The following FRAS1 variants were observed in gnomAD, a reference collection of about 807,000 sequenced individuals.
FRAS1 encodes the protein extracellular matrix organizing protein FRAS1.
In FRAS1, 290 loss-of-function variants were observed where a neutral mutation model predicts 435.2. The observed-to-expected ratio is 0.67, with a 90% CI of 0.61 to 0.73. FRAS1 has a LOEUF of 0.73. Ranked by LOEUF, FRAS1 falls within the 30% of genes least tolerant of loss-of-function variation. The pLI is 0.00. For synonymous variants in FRAS1, 1,800 were observed against 1,851.0 expected (o/e 0.97, Z 0.71); for missense variants, 4,860 against 5,001.5 (o/e 0.97, Z 0.85).
intron 18 of FRAS1, among the ~76,000 whole-genome samples, chr4:78,332,508 A>T (rs1461323584): frequency 6.6e-6 from 1 of 152,204 alleles, no homozygotes; most frequent in Non-Finnish European, 1.5e-5. Flanking sequence ...GCTAATGCTT[A>T]TAGCCAAGAT....
intron 2 of FRAS1, among the ~76,000 whole-genome samples, chr4:78,170,501 G>A (rs1721506623): frequency 6.6e-6 from 1 of 152,028 alleles, no homozygotes; most frequent in Non-Finnish European, 1.5e-5. Context: ...CCCTCCAATA[G>A]GTTGTAAGCC....
rs563589954 is a variant in FRAS1, at chr4:78,430,109, G to A, written c.4844-183G>A. On this transcript the variant is annotated intron_variant, in intron 36 of 73. Transcript: ENST00000512123. ...ACTTTTGGAAGCACCTACTTGCAGT[G>A]TAGGAATTGACTGTATTATCTGTTT... Among the ~76,000 whole-genome samples the A allele has an allele frequency of 6.6e-5, 10 of 152,310 alleles. No homozygotes were observed. In the South Asian group the frequency reaches 2.1e-3, roughly 32 times the overall value.
chr4:78,529,731 T>C (rs56092757), intron 70 of FRAS1, among the ~76,000 whole-genome samples: 1,542 of 152,250 alleles, frequency 0.01, 11 homozygotes, highest in Non-Finnish European at 0.014. Context: ...GACTAACAAA[T>C]GGGTAGCATA....
chr4:78,301,846 G>GTTTTTTTTTTTTTTTT (rs59794614), intron 14 of FRAS1, among the ~76,000 whole-genome samples: 3 of 103,936 alleles, frequency 2.9e-5, no homozygotes, highest in Non-Finnish European at 3.7e-5. Context: ...CACAGAAACA[G>GTTTTTTTTTTTTTTTT]TTTTTTTTTT....
intron 2 of FRAS1, among the ~76,000 whole-genome samples, chr4:78,235,904 A>T (rs1423585387): frequency 1.3e-5 from 2 of 152,198 alleles, no homozygotes; most frequent in Non-Finnish European, 2.9e-5. Flanking sequence ...AGCTGTGATC[A>T]TGCCACTGCA....
intron 35 of FRAS1, among the ~76,000 whole-genome samples, chr4:78,427,330 C>T (rs577995097): frequency 1.5e-3 from 230 of 152,306 alleles, no homozygotes; most frequent in South Asian, 5.2e-3. Flanking sequence ...ACCCCCTCAA[C>T]CTTGGACTTC....
chr4:78,415,299 CA>C (rs1487738554), intron 32 of FRAS1, among the ~76,000 whole-genome samples: 1 of 152,122 alleles, frequency 6.6e-6, no homozygotes, highest in East Asian at 1.9e-4. Flanking sequence ...ACCAAAATCT[CA>C]CGCATCACAA....
intron 14 of FRAS1, among the ~76,000 whole-genome samples, chr4:78,306,204 G>T (rs1728704762): frequency 6.6e-6 from 1 of 151,830 alleles, no homozygotes; most frequent in Non-Finnish European, 1.5e-5. Flanking sequence ...ACTCTCTTCT[G>T]GCTTGTAGAG....
chr4:78,385,315 C>T (rs980568687), intron 28 of FRAS1, among the ~76,000 whole-genome samples: 2 of 152,078 alleles, frequency 1.3e-5, no homozygotes, highest in Non-Finnish European at 2.9e-5. Flanking sequence ...AGCTAAATAT[C>T]CAGATCTCAG....
intron 20 of FRAS1, among the ~76,000 whole-genome samples, chr4:78,355,515 C>G (rs71611018): frequency 2.0e-5 from 3 of 152,092 alleles, no homozygotes; most frequent in African/African-American, 7.2e-5. Context: ...AAGGAATTAA[C>G]GGATACACGC....
At chr4:78,181,190 C>A (rs1355547721) in intron 2 of FRAS1, 5 of 1,607,136 alleles carry the variant, frequency 3.1e-6, no homozygotes, top group Non-Finnish European at 4.3e-6. Context: ...TACTTTTGCC[C>A]GGTCCTTATT....
intron 29 of FRAS1, among the ~76,000 whole-genome samples, chr4:78,396,541 G>A (rs923691664): frequency 2.6e-5 from 4 of 152,082 alleles, no homozygotes; most frequent in Admixed American, 1.3e-4. Flanking sequence ...TAAGTGTTTC[G>A]AATATATCAT....
chr4:78,213,027 G>C (rs1450935659), intron 2 of FRAS1, among the ~76,000 whole-genome samples: 1 of 152,142 alleles, frequency 6.6e-6, no homozygotes, highest in Non-Finnish European at 1.5e-5. Context: ...ACCTCCTTAT[G>C]GACTAGTCTC....
chr4:78,477,962 A>G lies in FRAS1; in HGVS notation c.7999A>G (p.Ile2667Val), dbSNP rs1037570949. 7 of 1,613,384 alleles carry G rather than the reference A, an allele frequency of 4.3e-6. No individual in the cohort carries two copies. The Admixed American group carries it at 6.7e-5, about 15-fold the overall frequency. Residue 2667 changes from isoleucine (I) to valine (V), a missense_variant, in exon 55 of 74, where the codon ATC (isoleucine) becomes GTC (valine). Ile to Val is a conservative substitution (Grantham distance 29, BLOSUM62 3). Coordinates refer to ENST00000512123, the MANE Select transcript of FRAS1 (RefSeq NM_025074.7). ...LGEFTQAKVI[I>V]NDTEDEPTLE... ...GGAATTCACCCAGGCGAAGGTCATTATCAACGATACCGAGGATGAACCCAC... is the reference window on the plus strand; with the variant it reads ...GGAATTCACCCAGGCGAAGGTCATTGTCAACGATACCGAGGATGAACCCAC...
intron 22 of FRAS1, among the ~76,000 whole-genome samples, chr4:78,368,238 A>G (rs1170722724): frequency 1.5e-5 from 2 of 134,710 alleles, no homozygotes; most frequent in Non-Finnish European, 3.2e-5. Flanking sequence ...CTGAAAATCC[A>G]GTCTAGAATT....
At chr4:78,270,903 A>T (rs930158076) in intron 9 of FRAS1, among the ~76,000 whole-genome samples, 1 of 152,116 alleles carries the variant, frequency 6.6e-6, no homozygotes, top group Non-Finnish European at 1.5e-5. Flanking sequence ...TGAAATTTTG[A>T]TGGACAGTAA....
chr4:78,370,597 C>A (rs1179542234), intron 23 of FRAS1, among the ~76,000 whole-genome samples: 1 of 152,166 alleles, frequency 6.6e-6, no homozygotes, highest in Non-Finnish European at 1.5e-5. Context: ...CTTTCCTGGG[C>A]TGTAGGTGTT....
rs750976613 is a variant in FRAS1 at position 78,515,805 on chromosome 4, G to A, written c.10181G>A (p.Gly3394Glu). Reference protein sequence around the residue: ...TYDLRGISEAGFLDDVVYDST... With the variant: ...TYDLRGISEAEFLDDVVYDST... Reference sequence around the variant, plus strand: ...GTTCTTCCCTCCCTGGCAGAGGCAGGGTTCCTGGATGATGTGGTCTATGAT... The same window carrying A: ...GTTCTTCCCTCCCTGGCAGAGGCAGAGTTCCTGGATGATGTGGTCTATGAT... Residue 3394 changes from glycine (G) to glutamate (E), a missense_variant, in exon 66 of 74, where the codon GGG becomes GAG. By Grantham distance (98) the Gly-to-Glu change is moderately conservative. Coordinates refer to ENST00000512123, the MANE Select transcript of FRAS1 (RefSeq NM_025074.7). The A allele has an allele frequency of 1.2e-6, 2 of 1,613,460 alleles. No homozygotes were observed. The highest frequency in any genetic ancestry group is 2.7e-5 in the African/African-American group (2 of 74,900).
chr4:78,305,093 T>G (rs1330630660), intron 14 of FRAS1, among the ~76,000 whole-genome samples: 2 of 152,198 alleles, frequency 1.3e-5, no homozygotes, highest in Non-Finnish European at 2.9e-5. Context: ...AAGAACATCT[T>G]TATTTCTGCC....
Sources: allele counts gnomAD v4.1 joint callset (sites outside exome capture counted in the v4.1 genomes callset), GRCh38; gene constraint gnomAD v4.1.1; transcripts MANE v1.5; gene names NCBI Gene and HGNC (gene_info 2026-07-23, HGNC 2026-07-21).